The following MAGI3 variants were observed in gnomAD, a reference collection of about 807,000 sequenced individuals.
MAGI3 encodes membrane associated guanylate kinase, WW and PDZ domain containing 3.
A neutral mutation model predicts 121.8 loss-of-function variants in MAGI3; 43 were observed. The observed-to-expected ratio is 0.35, with a 90% CI of 0.28 to 0.46. MAGI3 has a LOEUF of 0.46. MAGI3 is among the 20% of genes least tolerant of loss of function. MAGI3 has a pLI of 1.00. For synonymous variants in MAGI3, 553 were observed against 639.3 expected (o/e 0.86, Z 2.04); for missense variants, 1,547 against 1,797.3 (o/e 0.86, Z 2.52).
chr1:113,622,322 A>T (rs1309642376), intron 8 of MAGI3, among the ~76,000 whole-genome samples: 1 of 137,062 alleles, frequency 7.3e-6, no homozygotes, highest in East Asian at 2.2e-4. Flanking sequence ...AACCCCTAAT[A>T]ATGGGCATTT....
In MAGI3 at chr1:113,391,964, A is replaced by G. The variant is rs544985611; in HGVS notation, c.316+615A>G. 6.6e-6 allele frequency among the ~76,000 whole-genome samples: 1 copy of G among 152,246 alleles called. No individual in the cohort carries two copies. The highest frequency in any genetic ancestry group is 2.4e-5 in the African/African-American group (1 of 41,586). On this transcript the variant is annotated intron_variant, in intron 1 of 20. Transcript: ENST00000307546. This position sits in a 1 kb window ranked among gnomAD's most constrained non-coding sequence, Gnocchi z 4.4. ...GTGTTCTTGCAGGGAGCTGTTGAAT[A>G]GAGTCTGGGTTTTGCAGGAAGACCT...
intron 1 of MAGI3, among the ~76,000 whole-genome samples, chr1:113,416,483 A>AATT (rs1420979877): frequency 1.5e-4 from 1 of 6,806 alleles, no homozygotes. Flanking sequence ...TAAATATATT[A>AATT]ATTATATATA....
At chr1:113,526,056 T>C (rs951932515) in intron 1 of MAGI3, among the ~76,000 whole-genome samples, 2 of 152,228 alleles carry the variant, frequency 1.3e-5, no homozygotes, top group African/African-American at 4.8e-5. Flanking sequence ...TCCAAAAGAT[T>C]AGGTTTATAA....
chr1:113,453,064 A>G (rs1365523387), intron 1 of MAGI3, among the ~76,000 whole-genome samples: 1 of 152,198 alleles, frequency 6.6e-6, no homozygotes. Flanking sequence ...CATATGTTAC[A>G]AGTTCTTCAT....
intron 4 of MAGI3, among the ~76,000 whole-genome samples, chr1:113,587,375 T>C (rs1648438377): frequency 6.6e-6 from 1 of 152,154 alleles, no homozygotes; most frequent in Non-Finnish European, 1.5e-5. Flanking sequence ...TTTGTATTTT[T>C]AGTAGAGACA....
rs769882496 is a variant in MAGI3, at chr1:113,438,983, T to C, written c.316+47634T>C. Among the ~76,000 whole-genome samples, 263 of 152,364 alleles carry C rather than the reference T, an allele frequency of 1.7e-3. 4 individuals carry two copies. Among genetic ancestry groups the C allele is most frequent in the Non-Finnish European group, 4.1e-4 (28 of 68,044 alleles). On this transcript the variant is annotated intron_variant, in intron 1 of 20. Transcript: ENST00000307546. ...TTTTCACTTAAGAGGAAGTGCTTTA[T>C]GGCTTCCCTTTGGCATATCCAAATT...
intron 1 of MAGI3, among the ~76,000 whole-genome samples, chr1:113,409,082 G>C (rs1651834719): frequency 6.6e-6 from 1 of 151,848 alleles, no homozygotes; most frequent in South Asian, 2.1e-4. Context: ...ATACTGGAAG[G>C]CATCTTTATA....
At chr1:113,393,320 C>T (rs1475779546) in intron 1 of MAGI3, among the ~76,000 whole-genome samples, 1 of 152,106 alleles carries the variant, frequency 6.6e-6, no homozygotes, top group East Asian at 1.9e-4. Flanking sequence ...AAGGGAATAA[C>T]GTATTAATGG....
intron 1 of MAGI3, among the ~76,000 whole-genome samples, chr1:113,461,646 T>C (rs1655042144): frequency 6.6e-6 from 1 of 152,054 alleles, no homozygotes; most frequent in Admixed American, 6.6e-5. Context: ...GGCAATACCA[T>C]CCTGGACATA....
chr1:113,495,360 T>TA (rs1656869597), intron 1 of MAGI3, among the ~76,000 whole-genome samples: 1 of 147,554 alleles, frequency 6.8e-6, no homozygotes, highest in African/African-American at 2.5e-5. Context: ...AAGTACCTCT[T>TA]TTTTTTTTTT....
intron 1 of MAGI3, among the ~76,000 whole-genome samples, chr1:113,442,714 A>G (rs1173209022): frequency 6.6e-6 from 1 of 151,924 alleles, no homozygotes; most frequent in East Asian, 1.9e-4. Context: ...GGCTCAAGGG[A>G]TCCTCCCACC....
At chr1:113,647,545 A>T (rs2636003) in intron 12 of MAGI3, among the ~76,000 whole-genome samples, 4 of 151,990 alleles carry the variant, frequency 2.6e-5, no homozygotes, top group African/African-American at 7.3e-5. Context: ...TGTTCCTACT[A>T]ATTCACTTAC....
chr1:113,634,206 A>G (rs1294885549), intron 9 of MAGI3, among the ~76,000 whole-genome samples: 1 of 152,102 alleles, frequency 6.6e-6, no homozygotes, highest in African/African-American at 2.4e-5. Flanking sequence ...CTCTGATGGT[A>G]GTTTCTTTTG....
intron 1 of MAGI3, among the ~76,000 whole-genome samples, chr1:113,512,777 G>C (rs1373429660): frequency 3.3e-5 from 5 of 152,142 alleles, no homozygotes; most frequent in African/African-American, 1.2e-4. Context: ...TCTGGCCAGG[G>C]CAATTAGGCA....
At chr1:113,493,711 G>C (rs1656776822) in intron 1 of MAGI3, among the ~76,000 whole-genome samples, 1 of 152,052 alleles carries the variant, frequency 6.6e-6, no homozygotes, top group Non-Finnish European at 1.5e-5. Flanking sequence ...TGGGCAAAGA[G>C]CATGAACAGA....
chr1:113,591,695 T>C (rs952673635), intron 5 of MAGI3, among the ~76,000 whole-genome samples: 2 of 152,190 alleles, frequency 1.3e-5, no homozygotes, highest in Admixed American at 6.5e-5. Context: ...TGGTATATTC[T>C]TCTTTATTGA....
intron 2 of MAGI3, among the ~76,000 whole-genome samples, chr1:113,550,316 T>C (rs1211296614): frequency 1.3e-5 from 2 of 151,140 alleles, no homozygotes; most frequent in Non-Finnish European, 2.9e-5. Context: ...CTCAGGAGGC[T>C]GAGGCAGGAG....
chr1:113,585,864 G>A (rs988323036), intron 4 of MAGI3, among the ~76,000 whole-genome samples: 1 of 152,050 alleles, frequency 6.6e-6, no homozygotes, highest in Non-Finnish European at 1.5e-5. Context: ...AAATATTTGA[G>A]ATTTGCCTCT....
chr1:113,469,792 C>T (rs1655459567), intron 1 of MAGI3, among the ~76,000 whole-genome samples: 1 of 152,022 alleles, frequency 6.6e-6, no homozygotes, highest in Admixed American at 6.6e-5. Flanking sequence ...GTTTATTTCC[C>T]TTCAGCTTTC....
Sources: gnomAD v4.1 joint callset for allele counts (sites outside exome capture counted in the v4.1 genomes callset) on GRCh38, gnomAD v4.1.1 for gene constraint, Gnocchi (gnomAD v3.1) non-coding constraint, MANE v1.5 for transcripts, NCBI Gene and HGNC (gene_info 2026-07-23, HGNC 2026-07-21) for gene names.